RANBP2: variants seen among roughly 807,000 people sequenced by gnomAD.
RANBP2 encodes E3 SUMO-protein ligase RanBP2.
RANBP2 carries 57 observed loss-of-function variants against 303.6 expected under a neutral mutation model. The observed-to-expected ratio is 0.19, with a 90% CI of 0.15 to 0.23. The LOEUF is 0.23. Ranked by LOEUF, RANBP2 falls within the 10% of genes least tolerant of loss-of-function variation. RANBP2 has a pLI of 1.00. For missense variants in RANBP2, 3,138 were observed against 3,780.8 expected (o/e 0.83, Z 4.46); for synonymous variants, 1,167 against 1,301.5 (o/e 0.90, Z 2.23).
the RANBP2 span, among the ~76,000 whole-genome samples, chr2:109,154,598 G>A: frequency 6.6e-6 from 1 of 152,338 alleles, no homozygotes; most frequent in East Asian, 1.9e-4. Flanking sequence ...AGGTCACAGT[G>A]CCCTGGGGTC....
the RANBP2 span, among the ~76,000 whole-genome samples, chr2:109,562,134 A>C: frequency 6.6e-6 from 1 of 151,922 alleles, no homozygotes; most frequent in Admixed American, 6.6e-5. Flanking sequence ...AATCGCTTGA[A>C]CCCAGGAGGC....
the RANBP2 span, among the ~76,000 whole-genome samples, chr2:109,471,206 C>CAAAAAAAAAAA: frequency 5.0e-5 from 2 of 40,144 alleles, no homozygotes; most frequent in Non-Finnish European, 6.5e-5. Flanking sequence ...GACTCTGTCT[C>CAAAAAAAAAAA]AAAAAAAAAA....
At chr2:109,079,309 G>A in the RANBP2 span, among the ~76,000 whole-genome samples, 1 of 152,078 alleles carries the variant, frequency 6.6e-6, no homozygotes, top group Non-Finnish European at 1.5e-5. Context: ...TAAGAATGCA[G>A]TACTCAATAC....
chr2:108,967,479 G>T, the RANBP2 span, among the ~76,000 whole-genome samples: 1 of 152,200 alleles, frequency 6.6e-6, no homozygotes, highest in East Asian at 1.9e-4. Context: ...TCGTGTTTAC[G>T]GGTCTCCTAC....
At chr2:108,990,508 A>C in the RANBP2 span, among the ~76,000 whole-genome samples, 23 of 152,020 alleles carry the variant, frequency 1.5e-4, no homozygotes, top group African/African-American at 5.3e-4. Context: ...AAGCAGGAGA[A>C]TTGTTCGAAC....
At chr2:109,495,821 C>T in the RANBP2 span, among the ~76,000 whole-genome samples, 2,659 of 152,214 alleles carry the variant, frequency 0.017, 86 homozygotes, top group African/African-American at 0.061. Context: ...TCCTAGTTTC[C>T]ACATACATAA....
chr2:109,433,090 ATG>A, the RANBP2 span, among the ~76,000 whole-genome samples: 1 of 152,194 alleles, frequency 6.6e-6, no homozygotes, highest in South Asian at 2.1e-4. Context: ...TGTGCAGAGT[ATG>A]TGCAGTGTGC....
the RANBP2 span, among the ~76,000 whole-genome samples, chr2:109,226,560 G>A: frequency 6.6e-6 from 1 of 152,146 alleles, no homozygotes; most frequent in South Asian, 2.1e-4. Flanking sequence ...ACTGTTCTTA[G>A]GGTGACTTTG....
the RANBP2 span, among the ~76,000 whole-genome samples, chr2:109,337,736 CT>C: frequency 3.8e-3 from 573 of 150,488 alleles, 3 homozygotes; most frequent in African/African-American, 0.012. Context: ...TAAGGTCCCC[CT>C]TTTTTTTTGA....
At chr2:108,929,963 G>A in the RANBP2 span, among the ~76,000 whole-genome samples, 2 of 152,150 alleles carry the variant, frequency 1.3e-5, no homozygotes. Context: ...GCTCACGGCA[G>A]CTCTTGCCAT....
chr2:109,073,512 C>CAAAAAA, the RANBP2 span, among the ~76,000 whole-genome samples: 36 of 150,018 alleles, frequency 2.4e-4, no homozygotes, highest in Non-Finnish European at 4.0e-4. Flanking sequence ...ACTAAAAATA[C>CAAAAAA]AAAAAAATTA....
chr2:109,360,714 T>TGA, the RANBP2 span, among the ~76,000 whole-genome samples: 5 of 152,272 alleles, frequency 3.3e-5, no homozygotes, highest in Non-Finnish European at 7.3e-5. Flanking sequence ...TAGAAGTTCT[T>TGA]CAGTTGGTTC....
the RANBP2 span, among the ~76,000 whole-genome samples, chr2:109,037,660 CAATG>C: frequency 2.0e-5 from 3 of 152,096 alleles, no homozygotes; most frequent in Non-Finnish European, 4.4e-5. Flanking sequence ...TATATATTAA[CAATG>C]AACATTTCAA....
chr2:109,700,121 G>A, the RANBP2 span, among the ~76,000 whole-genome samples: 3 of 152,134 alleles, frequency 2.0e-5, no homozygotes, highest in African/African-American at 7.2e-5. Context: ...CATTTAAAAA[G>A]TTCTTGCCAA....
chr2:108,906,281 C>T, the RANBP2 span: 9 of 1,604,032 alleles, frequency 5.6e-6, no homozygotes, highest in Middle Eastern at 1.7e-4. Flanking sequence ...TGGGCACCAC[C>T]TCTCCCAGGC....
At chr2:108,835,377 C>T in the RANBP2 span, among the ~76,000 whole-genome samples, 1 of 152,048 alleles carries the variant, frequency 6.6e-6, no homozygotes, top group African/African-American at 2.4e-5. Flanking sequence ...AAATTCATTG[C>T]CATGTGTTAG....
At chr2:108,734,042 T>C (rs187895916) in intron 4 of RANBP2, among the ~76,000 whole-genome samples, 18 of 152,242 alleles carry the variant, frequency 1.2e-4, no homozygotes, top group African/African-American at 3.9e-4. Flanking sequence ...TAGTGGTTTT[T>C]AAAAATATTT....
the RANBP2 span, among the ~76,000 whole-genome samples, chr2:108,982,826 T>G: frequency 6.6e-6 from 1 of 152,170 alleles, no homozygotes; most frequent in Non-Finnish European, 1.5e-5. Context: ...AATTGCTTAG[T>G]GAGTGCTGGC....
chr2:109,199,135 G>A, the RANBP2 span, among the ~76,000 whole-genome samples: 1 of 151,810 alleles, frequency 6.6e-6, no homozygotes, highest in South Asian at 2.1e-4. Context: ...TGAGGCGGGT[G>A]GATCACAAGG....
Sources: gnomAD v4.1 joint callset for allele counts (sites outside exome capture counted in the v4.1 genomes callset) on GRCh38, gnomAD v4.1.1 for gene constraint, MANE v1.5 for transcripts, NCBI Gene and HGNC (gene_info 2026-07-23, HGNC 2026-07-21) for gene names.